The following SLC22A4 variants were observed in gnomAD, a reference collection of about 807,000 sequenced individuals.
The protein encoded by SLC22A4 is solute carrier family 22 member 4.
SLC22A4 carries 39 observed loss-of-function variants against 56.6 expected under a neutral mutation model. That is an observed-to-expected ratio of 0.69 (90% confidence interval 0.53 to 0.90). The LOEUF (loss-of-function observed/expected upper bound fraction) is 0.90, where lower values mean the gene tolerates loss of function less well. Among genes scored for constraint, SLC22A4 ranks in the 40% least tolerant of loss-of-function variants. SLC22A4 has a pLI of 0.00. For synonymous variants in SLC22A4, 241 were observed against 281.4 expected (o/e 0.86, Z 1.44); for missense variants, 594 against 696.5 (o/e 0.85, Z 1.66).
chr5:132,322,162 A>C lies in SLC22A4; in HGVS notation c.653-22A>C, dbSNP rs189060685. On this transcript the variant is annotated intron_variant, in intron 3 of 9. Coordinates refer to ENST00000200652, the MANE Select transcript of SLC22A4 (RefSeq NM_003059.3). ...TATTAAAGTGAGTTAATATGCTAAT[A>C]CTCCTCCCTTGTTTTGAACAGGAAC... 9.3e-6 allele frequency: 15 copies of C among 1,604,352 alleles called. No individual in the cohort carries two copies. The Admixed American group carries it at 2.5e-4, about 27-fold the overall frequency.
intron 4 of SLC22A4, among the ~76,000 whole-genome samples, chr5:132,323,111 G>A (rs1750592790): frequency 1.3e-5 from 2 of 152,130 alleles, no homozygotes; most frequent in African/African-American, 2.4e-5. Flanking sequence ...TGGTGGGTCT[G>A]GTTCTGTCTC....
At chr5:132,324,204 T>C (rs1294097587) in intron 4 of SLC22A4, among the ~76,000 whole-genome samples, 2 of 150,570 alleles carry the variant, frequency 1.3e-5, no homozygotes, top group Admixed American at 1.3e-4. Context: ...AAAAAAGTTA[T>C]AATCAATCTG....
chr5:132,331,608 A>C (rs1292814365), intron 5 of SLC22A4, 148 bp from the exon 6 acceptor site: 1 of 723,654 alleles, frequency 1.4e-6, no homozygotes, highest in Non-Finnish European at 2.6e-6. Context: ...ATATATGTAG[A>C]TGCCCTATTG....
chr5:132,314,456 G>A (rs1750275419), intron 3 of SLC22A4, among the ~76,000 whole-genome samples: 1 of 152,240 alleles, frequency 6.6e-6, no homozygotes, highest in Non-Finnish European at 1.5e-5. Context: ...ATCCACAGGA[G>A]TGAGAGAGTG....
chr5:132,343,994 T>G lies in SLC22A4; in HGVS notation c.*159T>G. 2 of 602,002 alleles carry G rather than the reference T, an allele frequency of 3.3e-6. No individual in the cohort carries two copies. The highest frequency in any genetic ancestry group is 4.4e-5 in the South Asian group (2 of 44,968). The allele number at this position is 602,002 out of a possible 1,614,324, so 37.3% of individuals were successfully genotyped here. ...TCATACAGTAAACTCTGGATGATTC[T>G]TCCAGATAATGTCCTTGCTTTACAA... On this transcript the variant is annotated 3_prime_UTR_variant, in exon 10 of 10. Transcript: ENST00000200652.
intron 1 of SLC22A4, among the ~76,000 whole-genome samples, chr5:132,304,729 A>G (rs1308600779): frequency 6.6e-6 from 1 of 152,212 alleles, no homozygotes; most frequent in Admixed American, 6.5e-5. Flanking sequence ...ATTACGAGAT[A>G]TGCAGAGAAA....
At chr5:132,297,541 C>A (rs895274830) in intron 1 of SLC22A4, among the ~76,000 whole-genome samples, 3 of 152,070 alleles carry the variant, frequency 2.0e-5, no homozygotes, top group African/African-American at 7.2e-5. Context: ...TGATGAAAGC[C>A]TCAGTTTCCT....
At chr5:132,325,206 C>A (rs1253064287) in intron 4 of SLC22A4, among the ~76,000 whole-genome samples, 2 of 152,070 alleles carry the variant, frequency 1.3e-5, no homozygotes, top group Non-Finnish European at 2.9e-5. Context: ...AGATACTGGC[C>A]CCATCCATGA....
intron 1 of SLC22A4, chr5:132,295,344 T>C: frequency 1.8e-6 from 1 of 547,290 alleles, no homozygotes; most frequent in Non-Finnish European, 3.6e-6. Flanking sequence ...ACGCACTGCC[T>C]GAGTCACCTT....
chr5:132,328,905 A>ATG (rs1750770737), intron 5 of SLC22A4, among the ~76,000 whole-genome samples: 1 of 57,000 alleles, frequency 1.8e-5, no homozygotes, highest in African/African-American at 7.4e-5. Context: ...GTGTATGTGT[A>ATG]TATATATATA....
intron 9 of SLC22A4, among the ~76,000 whole-genome samples, chr5:132,341,996 C>G (rs998173548): frequency 6.6e-6 from 1 of 151,586 alleles, no homozygotes; most frequent in Admixed American, 6.6e-5. Context: ...AAAATTTAGG[C>G]CTAAAAATGT....
At chr5:132,324,280 C>T (rs1418697728) in intron 4 of SLC22A4, among the ~76,000 whole-genome samples, 1 of 151,992 alleles carries the variant, frequency 6.6e-6, no homozygotes. Flanking sequence ...CTCTGATGGG[C>T]TGTACAGAGA....
At chr5:132,308,363 G>A (rs1750090276) in intron 1 of SLC22A4, among the ~76,000 whole-genome samples, 2 of 124,142 alleles carry the variant, frequency 1.6e-5, no homozygotes, top group African/African-American at 6.0e-5. Context: ...TTGAATCAAT[G>A]ATTAAGCAAT....
At chr5:132,307,709 T>A (rs1342352830) in intron 1 of SLC22A4, among the ~76,000 whole-genome samples, 1 of 152,176 alleles carries the variant, frequency 6.6e-6, no homozygotes, top group Non-Finnish European at 1.5e-5. Flanking sequence ...AGAAGCAGGC[T>A]AATAGAGGTG....
chr5:132,295,175 C>A, intron 1 of SLC22A4, 166 bp downstream of exon 1: 1 of 819,944 alleles, frequency 1.2e-6, no homozygotes, highest in Non-Finnish European at 2.1e-6. Flanking sequence ...GAATAGGACT[C>A]ACGCGAGGCG....
Position 132,343,956 on chromosome 5 carries a change from C to A in SLC22A4, c.*121C>A. The A allele has an allele frequency of 1.5e-6, 1 of 662,698 alleles. No homozygotes were observed. Among genetic ancestry groups the A allele is most frequent in the South Asian group, 1.9e-5 (1 of 53,178 alleles). The allele number at this position is 662,698 out of a possible 1,614,324, so 41.1% of individuals were successfully genotyped here. On this transcript the variant is annotated 3_prime_UTR_variant, in exon 10 of 10. Transcript: ENST00000200652. ...TTGACACCAAAATGAACCTTGCTAT[C>A]AAGAAATGCTCGTCATACAGTAAAC...
chr5:132,323,410 G>A (rs3805673), intron 4 of SLC22A4, among the ~76,000 whole-genome samples: 11,190 of 152,266 alleles, frequency 0.073, 548 homozygotes, highest in East Asian at 0.27. Flanking sequence ...ACGAGATAGC[G>A]CAGGTCAGGT....
rs771932077 is a variant in SLC22A4 at position 132,294,971 on chromosome 5, T to G, written c.355T>G (p.Phe119Val). 6.2e-7 allele frequency: 1 copy of G among 1,606,422 alleles called. No homozygotes were observed. Among genetic ancestry groups the G allele is most frequent in the Admixed American group, 1.7e-5 (1 of 59,224 alleles). Reference protein sequence around the residue: ...EQESCLDGWEFSQDVYLSTVV... With the variant: ...EQESCLDGWEVSQDVYLSTVV... ...GGAGAGCTGCCTGGATGGCTGGGAGTTCAGCCAGGACGTCTACCTGTCCAC... is the reference window on the plus strand; with the variant it reads ...GGAGAGCTGCCTGGATGGCTGGGAGGTCAGCCAGGACGTCTACCTGTCCAC... The change falls in exon 1 of 10, where the codon TTC becomes GTC. Residue 119 changes from phenylalanine to valine, a missense_variant. Physicochemically the swap from Phe to Val is conservative, Grantham distance 50. Coordinates refer to ENST00000200652, the MANE Select transcript of SLC22A4 (RefSeq NM_003059.3). This position sits in a 1 kb window ranked among gnomAD's most constrained non-coding sequence, Gnocchi z 5.6.
At chr5:132,323,453 C>A (rs1022467135) in intron 4 of SLC22A4, among the ~76,000 whole-genome samples, 4 of 152,200 alleles carry the variant, frequency 2.6e-5, no homozygotes. Flanking sequence ...TTCTCATGAC[C>A]TGTAAGAGTG....
Sources: gnomAD v4.1 joint callset for allele counts (sites outside exome capture counted in the v4.1 genomes callset) on GRCh38, gnomAD v4.1.1 for gene constraint, Gnocchi (gnomAD v3.1) non-coding constraint, MANE v1.5 for transcripts, NCBI Gene and HGNC (gene_info 2026-07-23, HGNC 2026-07-21) for gene names.